DOCK3: variants seen among roughly 807,000 people sequenced by gnomAD.
DOCK3 encodes dedicator of cytokinesis 3.
DOCK3 carries 60 observed loss-of-function variants against 265.6 expected under a neutral mutation model. That is an observed-to-expected ratio of 0.23 (90% confidence interval 0.18 to 0.28). DOCK3 has a LOEUF of 0.28. DOCK3 is among the 10% of genes least tolerant of loss of function. DOCK3 has a pLI of 1.00. For synonymous variants in DOCK3, 881 were observed against 938.0 expected, an observed-to-expected ratio of 0.94 and a Z score of 1.11; for missense variants, 1,981 against 2,594.3, an observed-to-expected ratio of 0.76 and a Z score of 5.14.
intron 2 of DOCK3, among the ~76,000 whole-genome samples, chr3:50,806,881 G>A (rs2043453871): frequency 6.6e-6 from 1 of 152,102 alleles, no homozygotes; most frequent in Non-Finnish European, 1.5e-5. Context: ...GAGCAGTGCA[G>A]TTGCATGAAT....
intron 12 of DOCK3, among the ~76,000 whole-genome samples, chr3:51,175,972 T>C (rs1285365701): frequency 1.3e-5 from 2 of 152,198 alleles, no homozygotes; most frequent in African/African-American, 2.4e-5. Flanking sequence ...GTGCAACAAA[T>C]GTCTGCTAAG....
intron 5 of DOCK3, among the ~76,000 whole-genome samples, chr3:51,018,478 A>C (rs1392501559): frequency 1.3e-5 from 2 of 151,282 alleles, no homozygotes; most frequent in Non-Finnish European, 2.9e-5. Flanking sequence ...AAAAAAAAGA[A>C]CACCTCATTA....
At chr3:50,907,250 C>T (rs1045801048) in intron 4 of DOCK3, among the ~76,000 whole-genome samples, 18 of 152,052 alleles carry the variant, frequency 1.2e-4, no homozygotes, top group South Asian at 2.1e-4. Context: ...GTGGAGAGTT[C>T]GTTAGATGTC....
chr3:51,228,246 T>A (rs77428931), intron 17 of DOCK3, among the ~76,000 whole-genome samples, 158 bp downstream of exon 17: 2 of 152,334 alleles, frequency 1.3e-5, no homozygotes, highest in African/African-American at 4.8e-5. Context: ...GGCTTCTGTC[T>A]TCTAAGTGCG....
intron 1 of DOCK3, among the ~76,000 whole-genome samples, chr3:50,765,442 A>G (rs2040817386): frequency 6.6e-6 from 1 of 152,112 alleles, no homozygotes; most frequent in Non-Finnish European, 1.5e-5. Flanking sequence ...CAAACAGTCT[A>G]TTAACTTGTA....
chr3:51,370,724 A>G (rs368258257), intron 49 of DOCK3, among the ~76,000 whole-genome samples: 1 of 152,248 alleles, frequency 6.6e-6, no homozygotes, highest in Non-Finnish European at 1.5e-5. Context: ...CTGTTGCTGC[A>G]TAATAAGCCA....
chr3:50,923,471 T>G (rs1053961601), intron 4 of DOCK3, among the ~76,000 whole-genome samples: 12 of 152,224 alleles, frequency 7.9e-5, no homozygotes, highest in African/African-American at 1.7e-4. Context: ...ATTTACTAAT[T>G]GATAATCTCA....
At chr3:51,129,682 A>G (rs1156768741) in intron 9 of DOCK3, among the ~76,000 whole-genome samples, 1 of 152,100 alleles carries the variant, frequency 6.6e-6, no homozygotes, top group Admixed American at 6.6e-5. Flanking sequence ...TGCCTCTCAA[A>G]AGGACAGTAG....
intron 27 of DOCK3, among the ~76,000 whole-genome samples, chr3:51,281,463 T>G (rs2081114815): frequency 6.6e-6 from 1 of 152,112 alleles, no homozygotes; most frequent in Admixed American, 6.5e-5. Flanking sequence ...TTGCTTATGC[T>G]TTGTTTTGTT....
intron 5 of DOCK3, among the ~76,000 whole-genome samples, chr3:50,999,602 C>A (rs566138517): frequency 1.3e-5 from 2 of 152,218 alleles, no homozygotes; most frequent in South Asian, 2.1e-4. Flanking sequence ...TGGTTAGAAC[C>A]TTTCTTGGTA....
chr3:50,994,234 A>G (rs2078204995), intron 5 of DOCK3, among the ~76,000 whole-genome samples: 1 of 152,224 alleles, frequency 6.6e-6, no homozygotes, highest in Admixed American at 6.5e-5. Flanking sequence ...GTAAGGGAAA[A>G]AGATAAGTCA....
At chr3:50,968,313 C>T (rs1293956165) in intron 5 of DOCK3, among the ~76,000 whole-genome samples, 2 of 151,954 alleles carry the variant, frequency 1.3e-5, no homozygotes, top group African/African-American at 2.4e-5. Context: ...GCTACAGGCA[C>T]ACATCACCAT....
chr3:50,952,785 T>G (rs1187960902), intron 5 of DOCK3, among the ~76,000 whole-genome samples: 1 of 152,182 alleles, frequency 6.6e-6, no homozygotes, highest in African/African-American at 2.4e-5. Context: ...ATTTCTAGGT[T>G]TGCGTGTTAG....
intron 3 of DOCK3, among the ~76,000 whole-genome samples, chr3:50,887,167 A>G (rs2048388395): frequency 6.6e-6 from 1 of 152,060 alleles, no homozygotes; most frequent in Non-Finnish European, 1.5e-5. Flanking sequence ...GCAATAAAAA[A>G]TGATAAAGGG....
chr3:50,924,757 T>G (rs2050673846), intron 4 of DOCK3, among the ~76,000 whole-genome samples: 1 of 152,230 alleles, frequency 6.6e-6, no homozygotes, highest in Admixed American at 6.5e-5. Flanking sequence ...GAGGGAAAGT[T>G]CATGGAGTTG....
At chr3:51,092,977 T>C (rs1219042596) in intron 9 of DOCK3, among the ~76,000 whole-genome samples, 3 of 152,212 alleles carry the variant, frequency 2.0e-5, no homozygotes, top group East Asian at 1.9e-4. Flanking sequence ...TTGTCAAAGA[T>C]CAAATGGTTG....
intron 5 of DOCK3, among the ~76,000 whole-genome samples, chr3:51,029,974 G>A (rs774851439): frequency 3.2e-4 from 48 of 151,982 alleles, no homozygotes; most frequent in Admixed American, 5.2e-4. Context: ...ACACGGGGTC[G>A]GGGGGTGGGC....
At chr3:51,378,921 C>T (rs1282810159) in intron 51 of DOCK3, among the ~76,000 whole-genome samples, 1 of 152,228 alleles carries the variant, frequency 6.6e-6, no homozygotes, top group East Asian at 1.9e-4. Flanking sequence ...AAAGGGTACT[C>T]ATCGGCTCCA....
At chr3:51,292,551 C>T (rs1256134599) in intron 27 of DOCK3, among the ~76,000 whole-genome samples, 3 of 152,070 alleles carry the variant, frequency 2.0e-5, no homozygotes, top group Non-Finnish European at 2.9e-5. Context: ...ATGGGAGGAT[C>T]GCTTGAGCCC....
Sources: allele counts gnomAD v4.1 joint callset (sites outside exome capture counted in the v4.1 genomes callset), GRCh38; gene constraint gnomAD v4.1.1; transcripts MANE v1.5; gene names NCBI Gene and HGNC (gene_info 2026-07-23, HGNC 2026-07-21).